DPY19L2: variants seen among roughly 807,000 people sequenced by gnomAD.
DPY19L2 encodes the protein dpy-19 like 2.
DPY19L2 carries 34 observed loss-of-function variants against 97.9 expected under a neutral mutation model. The observed-to-expected ratio is 0.35, with a 90% CI of 0.26 to 0.46. DPY19L2 has a LOEUF of 0.46. Ranked by LOEUF, DPY19L2 falls within the 20% of genes least tolerant of loss-of-function variation. The pLI is 1.00. For synonymous variants in DPY19L2, 230 were observed against 307.9 expected, an observed-to-expected ratio of 0.75 and a Z score of 2.65; for missense variants, 623 against 911.4, an observed-to-expected ratio of 0.68 and a Z score of 4.07.
At chr12:63,643,812 T>C (rs560926866) in intron 6 of DPY19L2, among the ~76,000 whole-genome samples, 1 of 152,300 alleles carries the variant, frequency 6.6e-6, no homozygotes, top group South Asian at 2.1e-4. Context: ...GCAGATACTT[T>C]ACTGGATGTA....
At chr12:63,656,748 T>C (rs1303842871) in intron 4 of DPY19L2, among the ~76,000 whole-genome samples, 2 of 152,166 alleles carry the variant, frequency 1.3e-5, no homozygotes, top group Non-Finnish European at 2.9e-5. Flanking sequence ...TCCACTTTTT[T>C]TTCTCTTTGC....
intron 16 of DPY19L2, among the ~76,000 whole-genome samples, chr12:63,589,386 A>AAAAAAAAAAAAAAAAAAAAT (rs1403602959): frequency 7.6e-6 from 1 of 131,932 alleles, no homozygotes; most frequent in Non-Finnish European, 1.6e-5. Flanking sequence ...AAAAAAAAAA[A>AAAAAAAAAAAAAAAAAAAAT]AAAAAAGTAA....
rs570010549 is a variant in DPY19L2 at position 63,651,206 on chromosome 12, A to G, written c.589-3841T>C. Among the ~76,000 whole-genome samples, 264 of 152,332 alleles carry G rather than the reference A, an allele frequency of 1.7e-3. 2 individuals carry two copies. The highest frequency in any genetic ancestry group is 6.2e-3 in the African/African-American group (257 of 41,574). ...CTGGGATAACTGGCTAGCCATAAGC[A>G]GAAGACTGAAACTTCACCTTTCTTT... is the stretch of plus-strand genomic sequence containing the variant. On this transcript the variant is annotated intron_variant, in intron 4 of 21. Coordinates refer to ENST00000324472, the MANE Select transcript of DPY19L2 (RefSeq NM_173812.5).
intron 20 of DPY19L2, among the ~76,000 whole-genome samples, chr12:63,570,039 T>C (rs1290576646): frequency 1.3e-5 from 2 of 152,164 alleles, no homozygotes; most frequent in South Asian, 4.1e-4. Context: ...ATTTCTAAGG[T>C]GTCTGACTCC....
At chr12:63,593,304 G>A (rs1341447262) in intron 16 of DPY19L2, among the ~76,000 whole-genome samples, 1 of 152,142 alleles carries the variant, frequency 6.6e-6, no homozygotes, top group Non-Finnish European at 1.5e-5. Context: ...ATACTCAAAG[G>A]ACTATAAATC....
intron 8 of DPY19L2, among the ~76,000 whole-genome samples, chr12:63,622,673 C>A (rs1352392508): frequency 2.0e-5 from 3 of 152,114 alleles, no homozygotes; most frequent in Admixed American, 1.3e-4. Context: ...CACCTGTAAT[C>A]CCAGCACTTT....
chr12:63,643,001 A>G, intron 6 of DPY19L2, among the ~76,000 whole-genome samples: 1 of 151,882 alleles, frequency 6.6e-6, no homozygotes, highest in Non-Finnish European at 1.5e-5. Context: ...ATTCTGAGGA[A>G]TATCATGCTT....
intron 14 of DPY19L2, among the ~76,000 whole-genome samples, chr12:63,596,955 T>C (rs1485180717): frequency 6.6e-6 from 1 of 152,012 alleles, no homozygotes; most frequent in Non-Finnish European, 1.5e-5. Context: ...TGTTCCATGA[T>C]TCTACAAAGA....
Position 63,584,160 on chromosome 12 carries a change from G to A in DPY19L2, c.1581-324C>T, listed in dbSNP as rs201311949. 4.0e-4 allele frequency: 79 copies of A among 198,220 alleles called. No homozygotes were observed. In the East Asian group the frequency reaches 8.3e-3, roughly 21 times the overall value. The allele number at this position is 198,220 out of a possible 1,614,324, so 12.3% of individuals were successfully genotyped here. A position where few individuals can be genotyped will look rare whatever the true frequency, so the allele number is the denominator to read the frequency against. ...CTTCTATTCAACCTATATATACAGT[G>A]TATACAATACTTTAGATGACCACTG... On this transcript the variant is annotated intron_variant, in intron 16 of 21. Coordinates refer to ENST00000324472, the MANE Select transcript of DPY19L2 (RefSeq NM_173812.5).
intron 19 of DPY19L2, among the ~76,000 whole-genome samples, chr12:63,571,165 G>A (rs1169812462): frequency 6.6e-6 from 1 of 152,038 alleles, no homozygotes; most frequent in Non-Finnish European, 1.5e-5. Context: ...AGCATGTGAG[G>A]GGTCTGGGTT....
intron 6 of DPY19L2, among the ~76,000 whole-genome samples, chr12:63,641,995 T>C (rs950193264): frequency 1.3e-5 from 2 of 152,192 alleles, no homozygotes; most frequent in African/African-American, 4.8e-5. Flanking sequence ...TTGTATTTTC[T>C]TTATGACTAA....
chr12:63,626,926 G>A (rs1356756559), intron 6 of DPY19L2, among the ~76,000 whole-genome samples: 4 of 151,956 alleles, frequency 2.6e-5, no homozygotes, highest in East Asian at 1.9e-4. Context: ...TTACAGGCGC[G>A]TGCTGCCACA....
At chr12:63,592,381 T>G (rs939587118) in intron 16 of DPY19L2, among the ~76,000 whole-genome samples, 2 of 149,614 alleles carry the variant, frequency 1.3e-5, no homozygotes, top group Non-Finnish European at 3.0e-5. Context: ...CTACCTGACT[T>G]CAAACTATAC....
intron 4 of DPY19L2, among the ~76,000 whole-genome samples, chr12:63,655,317 C>T (rs1478939894): frequency 1.3e-5 from 2 of 152,062 alleles, no homozygotes; most frequent in Admixed American, 6.6e-5. Context: ...AGTGACAATA[C>T]CAAATGCAGG....
rs556909045 is a variant in DPY19L2 at position 63,628,239 on chromosome 12, C to T, written c.804-1713G>A. Among the ~76,000 whole-genome samples, 197 of 152,256 alleles carry T rather than the reference C, an allele frequency of 1.3e-3. 1 individual carries two copies. Among genetic ancestry groups the T allele is most frequent in the Non-Finnish European group, 2.1e-3 (145 of 67,998 alleles). Reference sequence around the variant, plus strand: ...TGGGTGCAGGACAGTGGGTGCAGCGCACCGAGCATGAGCCAAAGCAGGGCA... The same window carrying T: ...TGGGTGCAGGACAGTGGGTGCAGCGTACCGAGCATGAGCCAAAGCAGGGCA... On this transcript the variant is annotated intron_variant, in intron 6 of 21. Transcript: ENST00000324472.
chr12:63,668,533 G>A (rs530561199), upstream of DPY19L2: 1 of 902,288 alleles, frequency 1.1e-6, no homozygotes, highest in Admixed American at 2.9e-5. Flanking sequence ...TCGTCATGGC[G>A]ACTGTGAAAT....
At chr12:63,625,482 T>C (rs1184838576) in intron 7 of DPY19L2, among the ~76,000 whole-genome samples, 1 of 152,050 alleles carries the variant, frequency 6.6e-6, no homozygotes, top group African/African-American at 2.4e-5. Context: ...GTAGTCAGAA[T>C]CTCTCTCTTT....
At chr12:63,662,253 G>A (rs1190441986) in intron 3 of DPY19L2, among the ~76,000 whole-genome samples, 2 of 152,082 alleles carry the variant, frequency 1.3e-5, no homozygotes, top group Non-Finnish European at 2.9e-5. Context: ...GGGCCACATT[G>A]TTTAAAATGC....
intron 21 of DPY19L2, among the ~76,000 whole-genome samples, chr12:63,561,961 G>A (rs1489102444): frequency 6.6e-6 from 1 of 152,134 alleles, no homozygotes; most frequent in Non-Finnish European, 1.5e-5. Flanking sequence ...AATCATTATA[G>A]TATGGTTATG....
Sources: gnomAD v4.1 joint callset for allele counts (sites outside exome capture counted in the v4.1 genomes callset) on GRCh38, gnomAD v4.1.1 for gene constraint, MANE v1.5 for transcripts, NCBI Gene and HGNC (gene_info 2026-07-23, HGNC 2026-07-21) for gene names.